Variants in RTN4 observed in about 807,000 individuals in gnomAD.
RTN4 encodes reticulon 4.
Under a neutral mutation model 90.4 loss-of-function variants are expected in RTN4, and 32 were observed. The ratio of observed to expected loss-of-function variants is 0.35; its 90% confidence interval spans 0.27 to 0.48. The LOEUF is 0.48. Ranked by LOEUF, RTN4 falls within the 20% of genes least tolerant of loss-of-function variation. The pLI, the probability that RTN4 is intolerant of heterozygous loss-of-function variation, is 0.99. For synonymous variants in RTN4, 629 were observed against 552.5 expected, an observed-to-expected ratio of 1.14 and a Z score of -1.94; for missense variants, 1,706 against 1,430.2, an observed-to-expected ratio of 1.19 and a Z score of -3.11.
At chr2:55,062,194 C>A (rs1668308675) in intron 2 of RTN4, among the ~76,000 whole-genome samples, 1 of 152,198 alleles carries the variant, frequency 6.6e-6, no homozygotes, top group East Asian at 1.9e-4. Flanking sequence ...GAGCTACTTC[C>A]ACTCAATAAA....
intron 1 of RTN4, among the ~76,000 whole-genome samples, chr2:55,087,659 T>C (rs1404553573): frequency 6.6e-6 from 1 of 152,152 alleles, no homozygotes; most frequent in Non-Finnish European, 1.5e-5. Context: ...CTGTTCTTAT[T>C]CATGTGTCTT....
Position 55,025,613 on chromosome 2 carries a change from G to A in RTN4, c.2486C>T (p.Pro829Leu). 1 of 1,613,476 alleles carries A rather than the reference G, an allele frequency of 6.2e-7. No individual in the cohort carries two copies. The highest frequency in any genetic ancestry group is 8.5e-7 in the Non-Finnish European group (1 of 1,179,770). Residue 829 changes from proline (P) to leucine (L), a missense_variant, in exon 3 of 9, where the codon CCT becomes CTT. Physicochemically the swap from Pro to Leu is moderately conservative, Grantham distance 98. Transcript: ENST00000337526. ...AGTACTGAGCTCCTCCATCTGCAAA[G>A]GAATTTTCTCCTTTTTGCTCAATGT... ...VSTLSKKEKI[P>L]LQMEELSTAV...
At chr2:55,024,022 T>C (rs563376754) in intron 3 of RTN4, among the ~76,000 whole-genome samples, 1 of 152,296 alleles carries the variant, frequency 6.6e-6, no homozygotes, top group African/African-American at 2.4e-5. Flanking sequence ...ATGTGTATAA[T>C]ATCCATAACT....
In RTN4 at chr2:54,973,638, A is replaced by C. The variant is rs1202088443; in HGVS notation, c.3478-17T>G. 3.1e-6 allele frequency: 5 copies of C among 1,598,474 alleles called. No homozygotes were observed. The highest frequency in any genetic ancestry group is 1.3e-5 in the African/African-American group (1 of 74,482). On this transcript the variant is annotated splice_polypyrimidine_tract_variant and intron_variant, in intron 7 of 8. Transcript: ENST00000337526. ...TATCTGTGCCTGAAAGAGAGGTATA[A>C]AGGAATTATTACCGTTGCTAAAGAA...
intron 1 of RTN4, among the ~76,000 whole-genome samples, chr2:55,039,874 T>C (rs947531904): frequency 2.0e-5 from 3 of 152,246 alleles, no homozygotes; most frequent in Non-Finnish European, 4.4e-5. Flanking sequence ...CCCTCAACTC[T>C]TTTAGTATTC....
rs1205466754 is a variant in RTN4 at position 55,066,337 on chromosome 2, C to A, written c.-63+14152G>T. On this transcript the variant is annotated intron_variant, in intron 2 of 3. Coordinates refer to the RTN4 transcript ENST00000427710. ...GACAACTGGGATGTGGGACTGAGGG[C>A]TGGGGTTTGTACATAAACTCTTATT... Among the ~76,000 whole-genome samples the A allele has an allele frequency of 2.6e-5, 4 of 152,132 alleles. No homozygotes were observed. In the East Asian group the frequency reaches 7.7e-4, roughly 29 times the overall value.
chr2:55,084,612 AT>A (rs1668803282), intron 1 of RTN4, among the ~76,000 whole-genome samples: 1 of 152,198 alleles, frequency 6.6e-6, no homozygotes, highest in Non-Finnish European at 1.5e-5. Flanking sequence ...TGCACTTGGC[AT>A]CTGATGTTTG....
At position 55,050,110 on chromosome 2, in the gene RTN4, G is replaced by A; in HGVS notation, c.191C>T (p.Ser64Phe). Residue 64 changes from serine to phenylalanine, a missense_variant, in exon 1 of 9, where the codon TCC (serine) becomes TTC (phenylalanine). Ser to Phe is a radical substitution (Grantham distance 155). Coordinates refer to ENST00000337526, the MANE Select transcript of RTN4 (RefSeq NM_020532.5). This position sits in a 1 kb window ranked among gnomAD's most constrained non-coding sequence, Gnocchi z 4.6. ...AGGGGCGGTGGGCACTGGGGCCGCG[G>A]ACAGCCCGGCGGCGGGCTTCCTCTC... ...VLERKPAAGL[S>F]AAPVPTAPAA... 6.7e-7 allele frequency: 1 copy of A among 1,499,254 alleles called. No homozygotes were observed. Among genetic ancestry groups the A allele is most frequent in the Non-Finnish European group, 8.9e-7 (1 of 1,128,998 alleles). The allele number at this position is 1,499,254 out of a possible 1,614,324, so 92.9% of individuals were successfully genotyped here. A position where few individuals can be genotyped will look rare whatever the true frequency, so the allele number is the denominator to read the frequency against.
rs116847892 is a variant in RTN4, at chr2:54,979,547, T to C, written c.3360+2968A>G. Reference sequence around the variant, plus strand: ...TAAGGAAGTATTCAGTATTTCTGTATATTCAATGGAAACAAACACATGGAA... The same window carrying C: ...TAAGGAAGTATTCAGTATTTCTGTACATTCAATGGAAACAAACACATGGAA... On this transcript the variant is annotated intron_variant, in intron 5 of 8. Coordinates refer to ENST00000337526, the MANE Select transcript of RTN4 (RefSeq NM_020532.5). 1.1e-3 allele frequency among the ~76,000 whole-genome samples: 175 copies of C among 152,350 alleles called. 6 individuals carry two copies. The East Asian group carries it at 0.025, about 22-fold the overall frequency.
chr2:55,121,830 C>T, the RTN4 span, among the ~76,000 whole-genome samples: 7 of 151,690 alleles, frequency 4.6e-5, no homozygotes, highest in Non-Finnish European at 7.4e-5. Flanking sequence ...TTCAGGGTAC[C>T]GAGAACATGA....
intron 1 of RTN4, among the ~76,000 whole-genome samples, chr2:55,029,624 C>A (rs1448203962): frequency 6.6e-6 from 1 of 152,046 alleles, no homozygotes; most frequent in African/African-American, 2.4e-5. Flanking sequence ...AAGCATATTA[C>A]CCTTAATGAA....
chr2:55,113,382 T>A (rs1470013628), upstream of RTN4, among the ~76,000 whole-genome samples: 1 of 152,180 alleles, frequency 6.6e-6, no homozygotes, highest in Non-Finnish European at 1.5e-5. Flanking sequence ...GCCTTATCAA[T>A]ACTCACAAAC....
chr2:55,049,984 G>C lies in RTN4; in HGVS notation c.317C>G (p.Pro106Arg), dbSNP rs1668009081. ...AAPPVAPERQ[P>R]SWDPSPVSST... ...CGACACCGGGCTCGGGTCCCAAGAC[G>C]GCTGCCGCTCCGGGGCGACGGGGGG... The change falls in exon 1 of 9, where the codon CCG becomes CGG. Residue 106 changes from proline to arginine, a missense_variant. Coordinates refer to ENST00000337526, the MANE Select transcript of RTN4 (RefSeq NM_020532.5). 1.5e-6 allele frequency: 2 copies of C among 1,374,926 alleles called. No individual in the cohort carries two copies. Among genetic ancestry groups the C allele is most frequent in the Non-Finnish European group, 1.9e-6 (2 of 1,072,336 alleles). The allele number at this position is 1,374,926 out of a possible 1,614,324, so 85.2% of individuals were successfully genotyped here. A position where few individuals can be genotyped will look rare whatever the true frequency, so the allele number is the denominator to read the frequency against.
At chr2:55,079,080 C>T (rs750090764) in intron 2 of RTN4, among the ~76,000 whole-genome samples, 15 of 152,116 alleles carry the variant, frequency 9.9e-5, no homozygotes, top group Admixed American at 5.9e-4. Context: ...CTGTAGTGAA[C>T]ATAGAGGAGG....
At chr2:55,033,116 CAACA>C (rs1480232838) in intron 1 of RTN4, among the ~76,000 whole-genome samples, 2 of 149,074 alleles carry the variant, frequency 1.3e-5, no homozygotes, top group Non-Finnish European at 3.0e-5. Flanking sequence ...AAATACCAAC[CAACA>C]GAGCCACAAA....
At chr2:55,003,561 G>C (rs1021946758) in intron 3 of RTN4, among the ~76,000 whole-genome samples, 4 of 152,094 alleles carry the variant, frequency 2.6e-5, no homozygotes, top group Admixed American at 2.6e-4. Context: ...CTGCTCCAAG[G>C]ATGCAAAGAA....
upstream of RTN4, among the ~76,000 whole-genome samples, chr2:55,116,947 G>C (rs558378408): frequency 7.3e-6 from 1 of 137,300 alleles, no homozygotes; most frequent in South Asian, 2.2e-4. Context: ...AATCTTGGCT[G>C]TCTGCAACCT....
intron 3 of RTN4, among the ~76,000 whole-genome samples, chr2:55,015,916 A>C: frequency 6.6e-6 from 1 of 152,194 alleles, no homozygotes; most frequent in East Asian, 1.9e-4. Flanking sequence ...AAAGGGTAAA[A>C]ATTAGTACAA....
intron 3 of RTN4, among the ~76,000 whole-genome samples, chr2:54,992,028 T>G (rs926890277): frequency 1.3e-5 from 2 of 152,198 alleles, no homozygotes; most frequent in Admixed American, 1.3e-4. Flanking sequence ...ACATTATCTC[T>G]TTCAATTATT....
Sources: allele counts gnomAD v4.1 joint callset (sites outside exome capture counted in the v4.1 genomes callset), GRCh38; gene constraint gnomAD v4.1.1; non-coding constraint Gnocchi (gnomAD v3.1); transcripts MANE v1.5; gene names NCBI Gene and HGNC (gene_info 2026-07-23, HGNC 2026-07-21).